The following GRIK2 variants were observed in gnomAD, a reference collection of about 807,000 sequenced individuals.
GRIK2 encodes glutamate receptor ionotropic, kainate 2.
In GRIK2, 32 loss-of-function variants were observed where a neutral mutation model predicts 100.3. That is an observed-to-expected ratio of 0.32 (90% CI 0.24 to 0.43). The LOEUF is 0.43. Ranked by LOEUF, GRIK2 falls within the 20% of genes least tolerant of loss-of-function variation. GRIK2 has a pLI of 1.00. For missense variants in GRIK2, 843 were observed against 1,114.9 expected (o/e 0.76, Z 3.47); for synonymous variants, 417 against 389.4 (o/e 1.07, Z -0.83).
chr6:101,531,036 C>G (rs1775414644), intron 2 of GRIK2, among the ~76,000 whole-genome samples: 1 of 151,952 alleles, frequency 6.6e-6, no homozygotes, highest in Non-Finnish European at 1.5e-5. Context: ...CCTCTTATTT[C>G]ATTGTATGTA....
intron 2 of GRIK2, among the ~76,000 whole-genome samples, chr6:101,511,672 A>G (rs1253864077): frequency 1.3e-5 from 2 of 152,030 alleles, no homozygotes; most frequent in African/African-American, 2.4e-5. Flanking sequence ...TTCTCAGCCT[A>G]TTGGCTAAGA....
At chr6:101,936,158 A>G (rs1334115060) in intron 14 of GRIK2, among the ~76,000 whole-genome samples, 1 of 152,014 alleles carries the variant, frequency 6.6e-6, no homozygotes, top group Non-Finnish European at 1.5e-5. Flanking sequence ...GGTTAGGTTA[A>G]TGGTTAATAT....
intron 15 of GRIK2, among the ~76,000 whole-genome samples, chr6:102,039,852 T>C (rs1770474619): frequency 6.6e-6 from 1 of 151,530 alleles, no homozygotes; most frequent in African/African-American, 2.4e-5. Flanking sequence ...ATTAAGATGA[T>C]TTCTATGTTT....
At chr6:101,487,784 A>T (rs1227677209) in intron 2 of GRIK2, among the ~76,000 whole-genome samples, 1 of 146,638 alleles carries the variant, frequency 6.8e-6, no homozygotes, top group Admixed American at 6.8e-5. Flanking sequence ...CATTAAATTT[A>T]AAAAGATCAA....
intron 7 of GRIK2, among the ~76,000 whole-genome samples, chr6:101,749,572 G>A (rs945619975): frequency 1.3e-5 from 2 of 152,024 alleles, no homozygotes; most frequent in Non-Finnish European, 2.9e-5. Context: ...TAAAAATGAT[G>A]ATAGTAGTCT....
chr6:101,622,369 T>C (rs1348554869), intron 3 of GRIK2, among the ~76,000 whole-genome samples: 6 of 152,108 alleles, frequency 3.9e-5, no homozygotes, highest in Non-Finnish European at 8.8e-5. Context: ...CCTTCCATCT[T>C]ATTATAGAAG....
intron 16 of GRIK2, 108 bp from the exon 17 acceptor site, chr6:102,068,239 T>A: frequency 1.3e-6 from 1 of 765,458 alleles, no homozygotes; most frequent in Non-Finnish European, 2.1e-6. Context: ...TTTTCAAACC[T>A]TCAAGGATGT....
chr6:101,565,110 C>G (rs1777190368), intron 2 of GRIK2, among the ~76,000 whole-genome samples: 1 of 152,032 alleles, frequency 6.6e-6, no homozygotes, highest in African/African-American at 2.4e-5. Context: ...ATTACATTAC[C>G]AAACAGAACA....
chr6:102,029,884 G>A (rs1769894124), intron 14 of GRIK2, among the ~76,000 whole-genome samples: 2 of 151,172 alleles, frequency 1.3e-5, no homozygotes, highest in Admixed American at 1.3e-4. Context: ...GCCAGGCTGA[G>A]TCTCAATTCC....
At chr6:101,958,377 G>A (rs1792079214) in intron 14 of GRIK2, among the ~76,000 whole-genome samples, 1 of 151,242 alleles carries the variant, frequency 6.6e-6, no homozygotes, top group South Asian at 2.1e-4. Context: ...CATTGATTTT[G>A]TATCCTGTAA....
At chr6:101,771,787 G>T (rs896090523) in intron 7 of GRIK2, among the ~76,000 whole-genome samples, 4 of 149,204 alleles carry the variant, frequency 2.7e-5, no homozygotes, top group East Asian at 2.0e-4. Context: ...GCGGTGTTTG[G>T]TTTTTTTGTC....
intron 2 of GRIK2, among the ~76,000 whole-genome samples, chr6:101,541,384 AC>A (rs1359899888): frequency 6.7e-5 from 1 of 14,938 alleles, no homozygotes; most frequent in East Asian, 1.4e-3. Flanking sequence ...AACCACACAC[AC>A]ACACACACAC....
chr6:101,725,470 C>T (rs929392498), intron 7 of GRIK2, among the ~76,000 whole-genome samples: 12 of 152,004 alleles, frequency 7.9e-5, no homozygotes, highest in East Asian at 7.7e-4. Context: ...TCTCAGGAAA[C>T]GATAATTTAA....
rs141717624 is a variant in GRIK2 at position 101,953,102 on chromosome 6, T to G, written c.2085+24470T>G. Among the ~76,000 whole-genome samples the G allele has an allele frequency of 1.9e-3, 286 of 152,322 alleles. 1 individual carries two copies. The highest frequency in any genetic ancestry group is 6.6e-3 in the African/African-American group (274 of 41,576). ...CTGTGTTTCAGTGTGTATCAAAATT[T>G]TATTCTTCTTTTTGCAGAATAATAT... On this transcript the variant is annotated intron_variant, in intron 14 of 16. Transcript: ENST00000369134.
chr6:101,637,898 C>G (rs980460867), intron 4 of GRIK2, among the ~76,000 whole-genome samples: 2 of 152,098 alleles, frequency 1.3e-5, no homozygotes, highest in African/African-American at 4.8e-5. Flanking sequence ...CCTGATGTGT[C>G]TTTCCCATTT....
At chr6:102,022,761 T>C (rs1769496766) in intron 14 of GRIK2, among the ~76,000 whole-genome samples, 1 of 151,648 alleles carries the variant, frequency 6.6e-6, no homozygotes, top group East Asian at 1.9e-4. Flanking sequence ...AGTCACTTCA[T>C]TCATTTCTTC....
intron 2 of GRIK2, chr6:101,620,209 T>C: frequency 3.4e-6 from 3 of 891,788 alleles, no homozygotes; most frequent in South Asian, 5.2e-5. Flanking sequence ...TATATAAGGG[T>C]AGAGAGTAAA....
At chr6:101,899,516 A>G (rs1338600440) in intron 12 of GRIK2, among the ~76,000 whole-genome samples, 2 of 152,054 alleles carry the variant, frequency 1.3e-5, no homozygotes, top group Non-Finnish European at 2.9e-5. Context: ...AATACCTTCT[A>G]ACTTATATAA....
At chr6:101,631,476 A>G (rs1232377858) in intron 4 of GRIK2, among the ~76,000 whole-genome samples, 2 of 152,148 alleles carry the variant, frequency 1.3e-5, no homozygotes, top group Admixed American at 6.6e-5. Context: ...GAAATGAGCT[A>G]TAATGCACTA....
Sources: gnomAD v4.1 joint callset for allele counts (sites outside exome capture counted in the v4.1 genomes callset) on GRCh38, gnomAD v4.1.1 for gene constraint, MANE v1.5 for transcripts, NCBI Gene and HGNC (gene_info 2026-07-23, HGNC 2026-07-21) for gene names.